ZNF362: variants seen among roughly 807,000 people sequenced by gnomAD.
ZNF362 encodes zinc finger protein 362, also known as rotund homolog.
ZNF362 carries 11 observed loss-of-function variants against 42.9 expected under a neutral mutation model. The ratio of observed to expected loss-of-function variants is 0.26; its 90% CI spans 0.16 to 0.42. The LOEUF (loss-of-function observed/expected upper bound fraction) is 0.42. Among genes scored for constraint, ZNF362 ranks in the 20% least tolerant of loss-of-function variants. The pLI, the probability that ZNF362 is intolerant of heterozygous loss-of-function variation, is 1.00. For missense variants in ZNF362, 362 were observed against 576.2 expected, an observed-to-expected ratio of 0.63 and a Z score of 3.81; for synonymous variants, 255 against 257.3, an observed-to-expected ratio of 0.99 and a Z score of 0.09.
chr1:33,298,913 C>G lies in ZNF362; in HGVS notation c.1147-17C>G, dbSNP rs1241817966. The G allele has an allele frequency of 1.2e-6, 2 of 1,609,014 alleles. No homozygotes were observed. The highest frequency in any genetic ancestry group is 8.5e-7 in the Non-Finnish European group (1 of 1,175,650). ...TTGCTGGTGGTTCCCTGTTCTGAAT[C>G]TCATCCCTGCCCACAGGAGACCTAC... is the stretch of plus-strand genomic sequence containing the variant. On this transcript the variant is annotated splice_polypyrimidine_tract_variant and intron_variant, in intron 8 of 8. Transcript: ENST00000539719.
the ZNF362 span, among the ~76,000 whole-genome samples, chr1:33,182,876 C>A: frequency 6.6e-6 from 1 of 152,080 alleles, no homozygotes; most frequent in East Asian, 1.9e-4. Context: ...TAAAGAATTT[C>A]TTGAAGGCAT....
chr1:33,217,465 T>G, the ZNF362 span, among the ~76,000 whole-genome samples: 2 of 152,204 alleles, frequency 1.3e-5, no homozygotes, highest in African/African-American at 4.8e-5. Flanking sequence ...AACTTTACAC[T>G]GGGTCAGATG....
the ZNF362 span, among the ~76,000 whole-genome samples, chr1:33,188,524 G>A: frequency 2.0e-5 from 3 of 152,192 alleles, no homozygotes; most frequent in Non-Finnish European, 4.4e-5. Flanking sequence ...GTCCCATGAA[G>A]TCATAGAAGA....
At chr1:33,134,081 G>T in the ZNF362 span, among the ~76,000 whole-genome samples, 3 of 152,228 alleles carry the variant, frequency 2.0e-5, no homozygotes, top group Admixed American at 1.3e-4. Flanking sequence ...TCCGCATGTT[G>T]CCAGGCCTTC....
At chr1:33,258,197 T>G (rs1359812032) in intron 1 of ZNF362, among the ~76,000 whole-genome samples, 1 of 152,184 alleles carries the variant, frequency 6.6e-6, no homozygotes, top group Non-Finnish European at 1.5e-5. Context: ...GTTAAGTTCC[T>G]GAAGTATCTT....
chr1:33,248,086 A>C, the ZNF362 span, among the ~76,000 whole-genome samples: 12 of 152,382 alleles, frequency 7.9e-5, no homozygotes, highest in Non-Finnish European at 1.3e-4. Flanking sequence ...CTAGATCCTA[A>C]AGCTAGTGCT....
intron 8 of ZNF362, among the ~76,000 whole-genome samples, chr1:33,295,712 C>A (rs983772239): frequency 1.3e-5 from 2 of 152,178 alleles, no homozygotes; most frequent in African/African-American, 4.8e-5. Context: ...TCAGGAAAGG[C>A]CTGAGCAGCC....
chr1:33,299,784 T>G lies in ZNF362; in HGVS notation c.*738T>G, dbSNP rs1385639752. On this transcript the variant is annotated 3_prime_UTR_variant, in exon 9 of 9. Coordinates refer to ENST00000539719, the MANE Select transcript of ZNF362 (RefSeq NM_152493.3). ...TGGGTAAGACCTGGCCCTCCCCTGC[T>G]GCCCTGAAGACCACCCCAGTCTACC... The G allele has an allele frequency of 6.5e-6, 1 of 152,832 alleles. No homozygotes were observed. The highest frequency in any genetic ancestry group is 1.5e-5 in the Non-Finnish European group (1 of 68,210). 9.5% of individuals were successfully genotyped at this position (152,832 alleles called of 1,614,324 possible).
intron 1 of ZNF362, among the ~76,000 whole-genome samples, chr1:33,263,796 G>A (rs1645845676): frequency 6.6e-6 from 1 of 152,202 alleles, no homozygotes; most frequent in Non-Finnish European, 1.5e-5. Flanking sequence ...GCAGAGACCC[G>A]GAGGTGAGAA....
chr1:33,204,159 TAA>T, the ZNF362 span, among the ~76,000 whole-genome samples: 3 of 152,124 alleles, frequency 2.0e-5, no homozygotes, highest in South Asian at 2.1e-4. Flanking sequence ...CTGTATAATA[TAA>T]GAGTCCAGTT....
At chr1:33,233,489 C>T in the ZNF362 span, among the ~76,000 whole-genome samples, 6 of 151,930 alleles carry the variant, frequency 3.9e-5, no homozygotes, top group East Asian at 1.9e-4. Context: ...CTGAAACCTC[C>T]GCCTCCCAGG....
rs539332767 is a variant in ZNF362, at chr1:33,271,261, G to A, written c.38+649G>A. ...ATCTGCCAGGCAACACCGAACGCTCGTGGCTCCCCTCACACTGTTGGGCTC... is the reference window on the plus strand; with the variant it reads ...ATCTGCCAGGCAACACCGAACGCTCATGGCTCCCCTCACACTGTTGGGCTC... On this transcript the variant is annotated intron_variant, in intron 2 of 8. Coordinates refer to ENST00000539719, the MANE Select transcript of ZNF362 (RefSeq NM_152493.3). Among the ~76,000 whole-genome samples, 9 of 152,318 alleles carry A rather than the reference G, an allele frequency of 5.9e-5. No homozygotes were observed. In the East Asian group the frequency reaches 1.7e-3, roughly 29 times the overall value.
the ZNF362 span, among the ~76,000 whole-genome samples, chr1:33,234,433 T>C: frequency 1.3e-5 from 2 of 152,232 alleles, no homozygotes; most frequent in African/African-American, 4.8e-5. Context: ...TGCTAGGAAA[T>C]TGGCTTCTTT....
upstream of ZNF362, among the ~76,000 whole-genome samples, chr1:33,255,140 T>C (rs1439972176): frequency 6.6e-6 from 1 of 152,240 alleles, no homozygotes; most frequent in African/African-American, 2.4e-5. Flanking sequence ...GAACAAGCAG[T>C]CCCTATGGGC....
chr1:33,151,142 T>C, the ZNF362 span, among the ~76,000 whole-genome samples: 1 of 151,990 alleles, frequency 6.6e-6, no homozygotes, highest in Non-Finnish European at 1.5e-5. Flanking sequence ...ACAAGGGGGC[T>C]CTCCGTGGGT....
chr1:33,276,036 G>T, intron 2 of ZNF362, 64 bp from the exon 3 acceptor site: 1 of 1,583,930 alleles, frequency 6.3e-7, no homozygotes, highest in East Asian at 2.2e-5. Context: ...GCGCAGCTGA[G>T]GGGTGCTCGC....
chr1:33,280,509 G>T lies in ZNF362; in HGVS notation c.683+52G>T. On this transcript the variant is annotated intron_variant, in intron 5 of 8. Transcript: ENST00000539719. This position sits in a 1 kb window ranked among gnomAD's most constrained non-coding sequence, Gnocchi z 5.6. ...GAGTGGGCTTGGGGCTGGGGCTTGA[G>T]CCAGGGCTGCTCCAGGAGCCCAGCA... The T allele has an allele frequency of 6.7e-7, 1 of 1,489,718 alleles. No homozygotes were observed. The highest frequency in any genetic ancestry group is 1.4e-5 in the African/African-American group (1 of 71,796). 92.3% of individuals were successfully genotyped at this position (1,489,718 alleles called of 1,614,324 possible).
At chr1:33,264,759 T>A (rs1645854033) in intron 1 of ZNF362, among the ~76,000 whole-genome samples, 1 of 152,082 alleles carries the variant, frequency 6.6e-6, no homozygotes, top group African/African-American at 2.4e-5. Flanking sequence ...CTGCACCAGA[T>A]GCATGGTCTT....
intron 6 of ZNF362, among the ~76,000 whole-genome samples, chr1:33,283,681 G>A (rs985526496): frequency 2.6e-5 from 4 of 152,012 alleles, no homozygotes; most frequent in African/African-American, 9.7e-5. Flanking sequence ...CTCCAGCCTG[G>A]GGGACAGAGT....
Sources: allele counts gnomAD v4.1 joint callset (sites outside exome capture counted in the v4.1 genomes callset), GRCh38; gene constraint gnomAD v4.1.1; non-coding constraint Gnocchi (gnomAD v3.1); transcripts MANE v1.5; gene names NCBI Gene and HGNC (gene_info 2026-07-23, HGNC 2026-07-21).